GRID2: variants seen among roughly 807,000 people sequenced by gnomAD.
GRID2 encodes glutamate receptor ionotropic, delta-2.
Under a neutral mutation model 114.8 loss-of-function variants are expected in GRID2, and 33 were observed. That is an observed-to-expected ratio of 0.29 (90% CI 0.22 to 0.38). GRID2 has a LOEUF of 0.38. Among genes scored for constraint, GRID2 ranks in the 10% least tolerant of loss-of-function variants. GRID2 has a pLI of 1.00. For missense variants in GRID2, 1,184 were observed against 1,257.7 expected (o/e 0.94, Z 0.89); for synonymous variants, 505 against 449.9 (o/e 1.12, Z -1.55).
At chr4:93,332,251 AGTGT>A (rs3043887) in intron 8 of GRID2, among the ~76,000 whole-genome samples, 37 of 130,030 alleles carry the variant, frequency 2.8e-4, no homozygotes, top group African/African-American at 6.6e-4. Flanking sequence ...CCAGAAAAAG[AGTGT>A]GTGTGTGTGT....
At chr4:93,515,982 A>G (rs1418338080) in intron 13 of GRID2, among the ~76,000 whole-genome samples, 2 of 152,142 alleles carry the variant, frequency 1.3e-5, no homozygotes, top group Non-Finnish European at 2.9e-5. Context: ...CTTTTATGTG[A>G]AAATCTTAAG....
chr4:93,491,409 G>A (rs1457622761), intron 12 of GRID2, among the ~76,000 whole-genome samples: 1 of 151,814 alleles, frequency 6.6e-6, no homozygotes, highest in African/African-American at 2.4e-5. Flanking sequence ...AGTTACCTAA[G>A]CCAGTGTCTC....
intron 14 of GRID2, among the ~76,000 whole-genome samples, chr4:93,739,821 AT>A (rs1731222257): frequency 6.6e-6 from 1 of 152,158 alleles, no homozygotes; most frequent in South Asian, 2.1e-4. Flanking sequence ...GGTTGACCTG[AT>A]TACTTTCCTG....
chr4:93,743,280 G>T (rs570199229), intron 14 of GRID2, among the ~76,000 whole-genome samples: 1 of 152,266 alleles, frequency 6.6e-6, no homozygotes, highest in Non-Finnish European at 1.5e-5. Context: ...TTAAAGAAAA[G>T]AAGCCATCTC....
intron 4 of GRID2, among the ~76,000 whole-genome samples, chr4:93,200,314 C>A (rs1407948409): frequency 6.6e-6 from 1 of 152,164 alleles, no homozygotes; most frequent in Non-Finnish European, 1.5e-5. Context: ...CGCCTGTAAT[C>A]CCAGCACTTT....
chr4:93,638,404 C>A lies in GRID2; in HGVS notation c.2360+11969C>A, dbSNP rs1578458210. ...ACATGTGCCATGCTGGTGCGCTGCACCCACTAATGTGTCATCTAGCATTAG... is the reference window on the plus strand; with the variant it reads ...ACATGTGCCATGCTGGTGCGCTGCAACCACTAATGTGTCATCTAGCATTAG... On this transcript the variant is annotated intron_variant, in intron 14 of 15. Coordinates refer to ENST00000282020, the MANE Select transcript of GRID2 (RefSeq NM_001510.4). Among the ~76,000 whole-genome samples the A allele has an allele frequency of 8.8e-5, 3 of 34,200 alleles. No homozygotes were observed. The East Asian group carries it at 1.1e-3, about 12-fold the overall frequency. The allele number at this position is 34,200 out of a possible 152,430, so 22.4% of individuals were successfully genotyped here.
chr4:93,724,267 A>G (rs1729642080), intron 14 of GRID2, among the ~76,000 whole-genome samples: 2 of 152,176 alleles, frequency 1.3e-5, no homozygotes, highest in Admixed American at 6.5e-5. Context: ...CGGGATTGTC[A>G]TCTTCCTGAG....
intron 1 of GRID2, among the ~76,000 whole-genome samples, chr4:92,552,614 C>T (rs1219931946): frequency 1.3e-5 from 2 of 151,988 alleles, no homozygotes; most frequent in East Asian, 3.9e-4. Flanking sequence ...CTCTTAAGAT[C>T]GAATGAAGCA....
intron 1 of GRID2, among the ~76,000 whole-genome samples, chr4:92,583,713 A>G (rs888648432): frequency 6.0e-5 from 9 of 149,918 alleles, no homozygotes; most frequent in Non-Finnish European, 1.0e-4. Context: ...ATTTATATAT[A>G]AACACACGCA....
intron 1 of GRID2, among the ~76,000 whole-genome samples, chr4:92,386,654 G>A (rs150770600): frequency 6.9e-4 from 104 of 151,768 alleles, no homozygotes; most frequent in African/African-American, 2.4e-3. Context: ...CTCTCATTTA[G>A]CAATATTTGA....
intron 2 of GRID2, among the ~76,000 whole-genome samples, chr4:92,614,419 G>A (rs190405537): frequency 2.6e-5 from 4 of 151,600 alleles, no homozygotes; most frequent in Admixed American, 2.0e-4. Flanking sequence ...TAAACATGTT[G>A]TATTTCTGCT....
Position 93,236,657 on chromosome 4 carries a change from C to A in GRID2, c.1126-1714C>A, listed in dbSNP as rs563659616. On this transcript the variant is annotated intron_variant, in intron 7 of 15. Coordinates refer to ENST00000282020, the MANE Select transcript of GRID2 (RefSeq NM_001510.4). ...CAATTGGCAGGGAAATTAGACCAACCTTCACCCTCAGTTGCTGCCCTATAC... is the reference window on the plus strand; with the variant it reads ...CAATTGGCAGGGAAATTAGACCAACATTCACCCTCAGTTGCTGCCCTATAC... 7.2e-5 allele frequency among the ~76,000 whole-genome samples: 11 copies of A among 152,076 alleles called. No homozygotes were observed. In the East Asian group the frequency reaches 7.7e-4, roughly 11 times the overall value.
At chr4:92,425,120 A>C (rs1360612763) in intron 1 of GRID2, among the ~76,000 whole-genome samples, 1 of 152,054 alleles carries the variant, frequency 6.6e-6, no homozygotes, top group African/African-American at 2.4e-5. Context: ...ATTATTTCAA[A>C]TAGTTTAAAT....
At chr4:92,641,453 CT>C (rs72318773) in intron 2 of GRID2, among the ~76,000 whole-genome samples, 8,373 of 142,292 alleles carry the variant, frequency 0.059, 305 homozygotes, top group East Asian at 0.17. Context: ...ATTTTTTTTT[CT>C]TTTTTTTTTA....
intron 14 of GRID2, among the ~76,000 whole-genome samples, chr4:93,744,940 A>G (rs192801577): frequency 6.6e-6 from 1 of 152,284 alleles, no homozygotes; most frequent in African/African-American, 2.4e-5. Flanking sequence ...TAGCAAAACA[A>G]CTGTGACTCA....
rs1166242912 is a variant in GRID2, at chr4:92,588,543, G to C, written c.89-1588G>C. 2.0e-5 allele frequency among the ~76,000 whole-genome samples: 3 copies of C among 151,832 alleles called. No individual in the cohort carries two copies. The South Asian group carries it at 6.2e-4, about 32-fold the overall frequency. ...TACAAAAAAAAATTAGCTGGGCGCG[G>C]TGGCAGGTGCCTGTAGTCCCAGGTA... On this transcript the variant is annotated intron_variant, in intron 1 of 15. Transcript: ENST00000282020.
At chr4:92,663,180 T>C (rs1383994886) in intron 2 of GRID2, among the ~76,000 whole-genome samples, 3 of 151,008 alleles carry the variant, frequency 2.0e-5, no homozygotes, top group Non-Finnish European at 4.5e-5. Context: ...ACCAGCCTCT[T>C]GATGGACAAA....
rs1245025893 is a variant in GRID2 at position 92,520,532 on chromosome 4, G to C, written c.89-69599G>C. 2.0e-5 allele frequency among the ~76,000 whole-genome samples: 3 copies of C among 151,864 alleles called. No individual in the cohort carries two copies. In the South Asian group the frequency reaches 6.2e-4, roughly 31 times the overall value. Reference sequence around the variant, plus strand: ...TCTGCTGATTGTGTTTCTTTACCAGGTGGAGTGACCTAAGCCCTGCCTGGA... The same window carrying C: ...TCTGCTGATTGTGTTTCTTTACCAGCTGGAGTGACCTAAGCCCTGCCTGGA... On this transcript the variant is annotated intron_variant, in intron 1 of 15. Coordinates refer to ENST00000282020, the MANE Select transcript of GRID2 (RefSeq NM_001510.4).
chr4:93,405,016 T>A (rs1766269478), intron 9 of GRID2, among the ~76,000 whole-genome samples: 1 of 152,114 alleles, frequency 6.6e-6, no homozygotes, highest in African/African-American at 2.4e-5. Context: ...GGTAATATTG[T>A]ATGATGTAAA....
Sources: gnomAD v4.1 joint callset for allele counts (sites outside exome capture counted in the v4.1 genomes callset) on GRCh38, gnomAD v4.1.1 for gene constraint, MANE v1.5 for transcripts, NCBI Gene and HGNC (gene_info 2026-07-23, HGNC 2026-07-21) for gene names.